Variants in PAK1IP1 observed in about 807,000 individuals in gnomAD.
PAK1IP1 encodes p21-activated protein kinase-interacting protein 1.
In PAK1IP1, 24 loss-of-function variants were observed where a neutral mutation model predicts 42.0. The ratio of observed to expected loss-of-function variants is 0.57; its 90% CI spans 0.41 to 0.80. PAK1IP1 has a LOEUF of 0.80. Among genes scored for constraint, PAK1IP1 ranks in the 30% least tolerant of loss-of-function variants. PAK1IP1 has a pLI of 0.00. For synonymous variants in PAK1IP1, 154 were observed against 156.7 expected (o/e 0.98, Z 0.13); for missense variants, 411 against 467.9 (o/e 0.88, Z 1.12).
rs1770311088 is a variant in PAK1IP1 at position 10,709,381 on chromosome 6, A to C, written c.1108A>C (p.Thr370Pro). The C allele has an allele frequency of 6.2e-7, 1 of 1,613,790 alleles. No homozygotes were observed. Among genetic ancestry groups the C allele is most frequent in the Admixed American group, 1.7e-5 (1 of 59,962 alleles). Residue 370 changes from threonine (T) to proline (P), a missense_variant, in exon 10 of 10, where the codon ACC becomes CCC. Coordinates refer to ENST00000379568, the MANE Select transcript of PAK1IP1 (RefSeq NM_017906.3). Reference protein sequence around the residue: ...KATKESGLISTKKRKMVEMLE... With the variant: ...KATKESGLISPKKRKMVEMLE... Reference sequence around the variant, plus strand: ...AACAAAAGAAAGTGGCCTGATATCAACCAAGAAGAGGAAAATGGTAGAAAT... The same window carrying C: ...AACAAAAGAAAGTGGCCTGATATCACCCAAGAAGAGGAAAATGGTAGAAAT...
At chr6:10,694,924 GT>G, upstream of PAK1IP1, 1 of 719,612 alleles carries the variant, frequency 1.4e-6, no homozygotes. Flanking sequence ...TTTTTTTTTG[GT>G]TTCCGGTTCT....
rs1279246241 is a variant in PAK1IP1 at position 10,695,070 on chromosome 6, G to A, written c.84+1G>A. 2 of 1,586,054 alleles carry A rather than the reference G, an allele frequency of 1.3e-6. No homozygotes were observed. Among genetic ancestry groups the A allele is most frequent in the Non-Finnish European group, 1.7e-6 (2 of 1,166,098 alleles). On this transcript the variant is annotated splice_donor_variant, in intron 1 of 9. Transcript: ENST00000379568. LOFTEE classifies it high-confidence loss of function. ...GCCCGAGGCTTGCGGCGACCACGAG[G>A]TGAGATACCGCGTAGTTAGAGACAG...
rs1488301875 is a variant in PAK1IP1 at position 10,702,558 on chromosome 6, A to G, written c.369-7A>G. ...AAGTTGGGGACTAACTTTTGGTTTC[A>G]TTATAGAGGACAGGTGACCTTCCTT... is the stretch of plus-strand genomic sequence containing the variant. On this transcript the variant is annotated splice_polypyrimidine_tract_variant and splice_region_variant and intron_variant, in intron 3 of 9. Coordinates refer to ENST00000379568, the MANE Select transcript of PAK1IP1 (RefSeq NM_017906.3). The G allele has an allele frequency of 6.2e-7, 1 of 1,614,034 alleles. No individual in the cohort carries two copies. The highest frequency in any genetic ancestry group is 1.1e-5 in the South Asian group (1 of 91,078).
At chr6:10,709,136 G>A in intron 9 of PAK1IP1, 60 bp downstream of exon 9, 1 of 1,530,530 alleles carries the variant, frequency 6.5e-7, no homozygotes, top group East Asian at 2.3e-5. Context: ...AATTGTAGAA[G>A]TGGAGGAGAT....
At chr6:10,691,872 T>C (rs1769346190), upstream of PAK1IP1, among the ~76,000 whole-genome samples, 1 of 152,176 alleles carries the variant, frequency 6.6e-6, no homozygotes, top group Non-Finnish European at 1.5e-5. Context: ...CTTTGAGTTA[T>C]GTTCATGGTG....
chr6:10,697,577 C>CAA, intron 2 of PAK1IP1, 91 bp downstream of exon 2: 1 of 1,008,558 alleles, frequency 9.9e-7, no homozygotes, highest in Non-Finnish European at 1.5e-6. Flanking sequence ...TATTTTATAG[C>CAA]AGATTCTTTG....
chr6:10,692,157 G>C (rs1455559081), upstream of PAK1IP1, among the ~76,000 whole-genome samples: 1 of 152,186 alleles, frequency 6.6e-6, no homozygotes, highest in Non-Finnish European at 1.5e-5. Flanking sequence ...GAAAGTTTTA[G>C]CGGTTTTTAA....
intron 5 of PAK1IP1, among the ~76,000 whole-genome samples, chr6:10,704,133 G>A (rs1205222350): frequency 2.0e-5 from 3 of 151,898 alleles, no homozygotes; most frequent in Non-Finnish European, 4.4e-5. Flanking sequence ...TTATTCTCCT[G>A]CCTCACCCTC....
At chr6:10,700,259 T>C (rs917454845) in intron 2 of PAK1IP1, among the ~76,000 whole-genome samples, 1 of 152,042 alleles carries the variant, frequency 6.6e-6, no homozygotes, top group African/African-American at 2.4e-5. Context: ...GGTCTAACCA[T>C]GTTGGCCAAG....
chr6:10,705,657 C>T (rs12661105), intron 7 of PAK1IP1, among the ~76,000 whole-genome samples: 2,457 of 152,196 alleles, frequency 0.016, 52 homozygotes, highest in East Asian at 0.045. Context: ...AAGTGGTTGG[C>T]CAATATTACC....
At chr6:10,699,194 C>CT (rs1769950799) in intron 2 of PAK1IP1, among the ~76,000 whole-genome samples, 1 of 113,460 alleles carries the variant, frequency 8.8e-6, no homozygotes, top group South Asian at 2.9e-4. Flanking sequence ...GAGCGAGACT[C>CT]TGTCTCAAAA....
chr6:10,695,156 C>A, intron 1 of PAK1IP1, 87 bp downstream of exon 1: 1 of 787,072 alleles, frequency 1.3e-6, no homozygotes, highest in Non-Finnish European at 2.2e-6. Flanking sequence ...AACATTGGAG[C>A]GCCTGCTGTT....
intron 5 of PAK1IP1, among the ~76,000 whole-genome samples, chr6:10,704,165 C>T (rs9467300): frequency 0.024 from 3,642 of 152,078 alleles, 139 homozygotes; most frequent in African/African-American, 0.079. Context: ...GGATTACAGG[C>T]GCGTGCCACC....
Position 10,709,614 on chromosome 6 carries a change from A to C in PAK1IP1, c.*162A>C. On this transcript the variant is annotated 3_prime_UTR_variant, in exon 10 of 10. Transcript: ENST00000379568. Reference sequence around the variant, plus strand: ...TAGATGGTTTTTTTTAAAAAAAAAAAAAAAACTGGTAAAATTACTTTTGGC... The same window carrying C: ...TAGATGGTTTTTTTTAAAAAAAAAACAAAAACTGGTAAAATTACTTTTGGC... The C allele has an allele frequency of 2.3e-6, 1 of 430,118 alleles. No individual in the cohort carries two copies. Among genetic ancestry groups the C allele is most frequent in the Admixed American group, 4.1e-5 (1 of 24,480 alleles). 26.6% of individuals were successfully genotyped at this position (430,118 alleles called of 1,614,324 possible).
chr6:10,694,984 G>T lies in PAK1IP1; in HGVS notation c.-2G>T. ...TGGCGGAAGAGGCACGTGCGCTGCT[G>T]AATGGAGCTGGTCGCTGGTTGCTAC... is the stretch of plus-strand genomic sequence containing the variant. On this transcript the variant is annotated 5_prime_UTR_variant, in exon 1 of 10. Coordinates refer to ENST00000379568, the MANE Select transcript of PAK1IP1 (RefSeq NM_017906.3). The T allele has an allele frequency of 6.3e-7, 1 of 1,596,966 alleles. No homozygotes were observed.
chr6:10,695,705 C>T (rs1769802679), intron 1 of PAK1IP1, among the ~76,000 whole-genome samples: 1 of 152,162 alleles, frequency 6.6e-6, no homozygotes, highest in African/African-American at 2.4e-5. Flanking sequence ...GTAGATAGGA[C>T]TATACTCACG....
upstream of PAK1IP1, chr6:10,694,940 C>A: frequency 3.4e-6 from 4 of 1,180,256 alleles, no homozygotes; most frequent in African/African-American, 1.6e-5. Context: ...GGTTCTGTCA[C>A]CTCCAGGCTG....
intron 4 of PAK1IP1, among the ~76,000 whole-genome samples, chr6:10,702,855 G>A (rs1770072777): frequency 6.6e-6 from 1 of 151,912 alleles, no homozygotes; most frequent in South Asian, 2.1e-4. Flanking sequence ...CGCCCAGGCT[G>A]GAGTGCGGCG....
chr6:10,695,422 T>A (rs141246538), intron 1 of PAK1IP1, among the ~76,000 whole-genome samples: 2,051 of 152,348 alleles, frequency 0.013, 46 homozygotes, highest in African/African-American at 0.046. Context: ...GCTGAATTTC[T>A]GCCCTGGAAT....
Sources: gnomAD v4.1 joint callset for allele counts (sites outside exome capture counted in the v4.1 genomes callset) on GRCh38, gnomAD v4.1.1 for gene constraint, MANE v1.5 for transcripts, NCBI Gene and HGNC (gene_info 2026-07-23, HGNC 2026-07-21) for gene names.